The following DEK variants were observed in gnomAD, a reference collection of about 807,000 sequenced individuals.
The protein encoded by DEK is protein DEK.
DEK carries 28 observed loss-of-function variants against 46.8 expected under a neutral mutation model. The ratio of observed to expected loss-of-function variants is 0.60; its 90% CI spans 0.44 to 0.82. DEK has a LOEUF of 0.82. DEK is among the 40% of genes least tolerant of loss of function. The probability of loss-of-function intolerance (pLI) is 0.00; values close to 1 mark genes in which losing one functional copy is unlikely to be tolerated. For synonymous variants in DEK, 160 were observed against 144.5 expected, an observed-to-expected ratio of 1.11 and a Z score of -0.77; for missense variants, 416 against 430.6, an observed-to-expected ratio of 0.97 and a Z score of 0.30.
chr6:18,249,069 G>A (rs1185101496), intron 7 of DEK, among the ~76,000 whole-genome samples: 1 of 152,082 alleles, frequency 6.6e-6, no homozygotes, highest in East Asian at 1.9e-4. Flanking sequence ...TGCTTCAGCA[G>A]TTCTCTTCTT....
intron 2 of DEK, among the ~76,000 whole-genome samples, chr6:18,261,906 G>A (rs1290339717): frequency 2.6e-5 from 4 of 152,136 alleles, no homozygotes; most frequent in African/African-American, 4.8e-5. Flanking sequence ...TTGGGGGACC[G>A]GGGGTGCAAT....
At chr6:18,232,352 G>T (rs979947800) in intron 9 of DEK, among the ~76,000 whole-genome samples, 1 of 152,190 alleles carries the variant, frequency 6.6e-6, no homozygotes. Context: ...AGTGCTGGAA[G>T]TTCTGGCCAG....
chr6:18,238,497 G>C (rs1790763179), intron 7 of DEK, among the ~76,000 whole-genome samples: 1 of 151,830 alleles, frequency 6.6e-6, no homozygotes, highest in Non-Finnish European at 1.5e-5. Context: ...AAGAGACTGA[G>C]ACCATCCTGG....
chr6:18,237,858 A>ACCT (rs1790727805), intron 7 of DEK, among the ~76,000 whole-genome samples: 1 of 134,196 alleles, frequency 7.5e-6, no homozygotes, highest in Non-Finnish European at 1.6e-5. Context: ...TTCAACTGGA[A>ACCT]TCTTTTTTTT....
At chr6:18,237,595 C>T in intron 7 of DEK, 79 bp from the exon 8 acceptor site, 2 of 1,478,884 alleles carry the variant, frequency 1.4e-6, no homozygotes, top group Non-Finnish European at 1.8e-6. Context: ...TTCCCCTATG[C>T]CCCTTAATAA....
At chr6:18,232,130 T>C (rs1270256416) in intron 9 of DEK, among the ~76,000 whole-genome samples, 7 of 152,184 alleles carry the variant, frequency 4.6e-5, no homozygotes, top group East Asian at 1.9e-4. Flanking sequence ...ATTATCTCAA[T>C]AGATACAGAA....
At chr6:18,252,293 T>A (rs1791411077) in intron 6 of DEK, among the ~76,000 whole-genome samples, 1 of 152,008 alleles carries the variant, frequency 6.6e-6, no homozygotes, top group Non-Finnish European at 1.5e-5. Context: ...GAGGATCACA[T>A]GAGCTCAGGA....
chr6:18,227,116 G>A (rs1205586595), intron 9 of DEK, among the ~76,000 whole-genome samples: 4 of 152,100 alleles, frequency 2.6e-5, no homozygotes, highest in Non-Finnish European at 4.4e-5. Flanking sequence ...ATATGGCCTC[G>A]TGAGAAGGGA....
chr6:18,248,155 C>T (rs2151088147), intron 7 of DEK, among the ~76,000 whole-genome samples: 1 of 152,256 alleles, frequency 6.6e-6, no homozygotes, highest in East Asian at 1.9e-4. Context: ...GAGGCTAATA[C>T]TATTATCACT....
chr6:18,236,766 G>C (rs1027315703), intron 8 of DEK, among the ~76,000 whole-genome samples, 166 bp from the exon 9 acceptor site: 8 of 152,084 alleles, frequency 5.3e-5, no homozygotes, highest in Non-Finnish European at 5.9e-5. Flanking sequence ...ACAAATTTTA[G>C]TCAATTTGAA....
intron 7 of DEK, among the ~76,000 whole-genome samples, chr6:18,242,205 T>C (rs1378898175): frequency 6.6e-6 from 1 of 152,128 alleles, no homozygotes; most frequent in Non-Finnish European, 1.5e-5. Context: ...ACCCCGTCTC[T>C]ACAAAAAATT....
chr6:18,238,693 A>G (rs909850955), intron 7 of DEK, among the ~76,000 whole-genome samples: 7 of 152,028 alleles, frequency 4.6e-5, no homozygotes, highest in African/African-American at 1.7e-4. Context: ...CAAAAAAAAA[A>G]AAAAAAAGAC....
rs1038564187 is a variant in DEK, at chr6:18,255,973, T to C, written c.453-122A>G. On this transcript the variant is annotated intron_variant, in intron 5 of 10. Transcript: ENST00000652689. The stretch of plus-strand genomic sequence containing the variant: ...TACATACATTTAAAAAAGTGGCCAA[T>C]GCTTCTATGAATCTTTTTTCTTTTT... 9 of 1,145,426 alleles carry C rather than the reference T, an allele frequency of 7.9e-6. No homozygotes were observed. In the African/African-American group the frequency reaches 1.3e-4, roughly 17 times the overall value. The allele number at this position is 1,145,426 out of a possible 1,614,324, so 71.0% of individuals were successfully genotyped here.
chr6:18,227,087 C>T (rs1220045204), intron 9 of DEK, among the ~76,000 whole-genome samples: 1 of 152,146 alleles, frequency 6.6e-6, no homozygotes, highest in Non-Finnish European at 1.5e-5. Context: ...CAAGGTTTCT[C>T]CCCATGTCAT....
chr6:18,254,435 G>C (rs6901965), intron 6 of DEK, among the ~76,000 whole-genome samples: 4,127 of 152,206 alleles, frequency 0.027, 187 homozygotes, highest in African/African-American at 0.093. Flanking sequence ...ACATTAAACA[G>C]ATGTACAAAA....
intron 7 of DEK, among the ~76,000 whole-genome samples, chr6:18,249,285 C>T (rs925181748): frequency 2.0e-5 from 3 of 152,272 alleles, no homozygotes; most frequent in Admixed American, 6.5e-5. Flanking sequence ...TGATCCAAGT[C>T]AATTATAAAG....
chr6:18,226,327 G>C, intron 9 of DEK, 85 bp from the exon 10 acceptor site: 1 of 1,161,100 alleles, frequency 8.6e-7, no homozygotes, highest in South Asian at 1.7e-5. Flanking sequence ...CAGGAAATCT[G>C]CTACGTGCAA....
intron 4 of DEK, 24 bp from the exon 5 acceptor site, chr6:18,256,479 TG>T: frequency 6.3e-7 from 1 of 1,579,150 alleles, no homozygotes; most frequent in Non-Finnish European, 8.7e-7. Flanking sequence ...TTATTATTAA[TG>T]GTATTTATTA....
chr6:18,258,864 G>C (rs1300978064), intron 2 of DEK, among the ~76,000 whole-genome samples: 1 of 152,060 alleles, frequency 6.6e-6, no homozygotes, highest in African/African-American at 2.4e-5. Flanking sequence ...TTAGTAAACT[G>C]ACAAAAGAAA....
Sources: allele counts gnomAD v4.1 joint callset (sites outside exome capture counted in the v4.1 genomes callset), GRCh38; gene constraint gnomAD v4.1.1; transcripts MANE v1.5; gene names NCBI Gene and HGNC (gene_info 2026-07-23, HGNC 2026-07-21).